Variants in RAPGEF2 observed in about 807,000 individuals in gnomAD.
The protein encoded by RAPGEF2 is PDZ domain containing guanine nucleotide exchange factor (GEF) 1.
In RAPGEF2, 54 loss-of-function variants were observed where a neutral mutation model predicts 186.7. The ratio of observed to expected loss-of-function variants is 0.29; its 90% CI spans 0.23 to 0.36. The LOEUF (loss-of-function observed/expected upper bound fraction) is 0.36. Ranked by LOEUF, RAPGEF2 falls within the 10% of genes least tolerant of loss-of-function variation. The pLI is 1.00. For missense variants in RAPGEF2, 1,532 were observed against 2,045.0 expected (o/e 0.75, Z 4.84); for synonymous variants, 712 against 705.9 (o/e 1.01, Z -0.14).
chr4:159,202,236 C>T (rs1749500885), intron 3 of RAPGEF2, among the ~76,000 whole-genome samples: 1 of 152,176 alleles, frequency 6.6e-6, no homozygotes, highest in South Asian at 2.1e-4. Flanking sequence ...TCCTCACTCC[C>T]CTGGGCCGCT....
chr4:159,231,003 G>T (rs928491538), intron 4 of RAPGEF2, among the ~76,000 whole-genome samples: 1 of 152,146 alleles, frequency 6.6e-6, no homozygotes, highest in Non-Finnish European at 1.5e-5. Flanking sequence ...ATAATATTAT[G>T]TAGTCATGCA....
chr4:159,343,390 C>G lies in RAPGEF2; in HGVS notation c.3240C>G (p.Leu1080=), dbSNP rs201940611. The change falls in exon 22 of 30, where the codon CTC becomes CTG. Residue 1080 remains leucine, a synonymous_variant. Coordinates refer to ENST00000691494, the MANE Select transcript of RAPGEF2 (RefSeq NM_001394067.2). ...RMASVNMDPA[L]MFRTRKKKWR... Reference sequence around the variant, plus strand: ...CTTCAGTGAACATGGACCCTGCCCTCATGTTCAGGACTCGGTGAGTATGTC... The same window carrying G: ...CTTCAGTGAACATGGACCCTGCCCTGATGTTCAGGACTCGGTGAGTATGTC... 7 of 1,614,002 alleles carry G rather than the reference C, an allele frequency of 4.3e-6. No individual in the cohort carries two copies. Among genetic ancestry groups the G allele is most frequent in the Non-Finnish European group, 5.9e-6 (7 of 1,179,916 alleles).
chr4:159,256,020 G>A (rs546340469), intron 7 of RAPGEF2, among the ~76,000 whole-genome samples: 17 of 152,232 alleles, frequency 1.1e-4, no homozygotes, highest in Admixed American at 4.6e-4. Context: ...CTAGCATGCT[G>A]TTGAACTGAC....
Position 159,278,121 on chromosome 4 carries a change from A to G in RAPGEF2, c.544-26221A>G, listed in dbSNP as rs866636170. Among the ~76,000 whole-genome samples the G allele has an allele frequency of 6.6e-5, 10 of 152,266 alleles. 1 individual carries two copies. Among genetic ancestry groups the G allele is most frequent in the Middle Eastern group, 3.4e-3 (1 of 294 alleles). On this transcript the variant is annotated intron_variant, in intron 7 of 29. Transcript: ENST00000691494. ...TAATCCATCTCCAATTAATTTTTGT[A>G]TAAGGTGTAAGGAAGGGATCCAGTT...
At chr4:159,292,766 T>C (rs1761406139) in intron 7 of RAPGEF2, among the ~76,000 whole-genome samples, 1 of 152,184 alleles carries the variant, frequency 6.6e-6, no homozygotes, top group African/African-American at 2.4e-5. Context: ...GAAGCAGCAC[T>C]TTTAAAAACA....
At chr4:159,326,151 G>A (rs1006766514) in intron 11 of RAPGEF2, among the ~76,000 whole-genome samples, 2 of 152,174 alleles carry the variant, frequency 1.3e-5, no homozygotes, top group African/African-American at 4.8e-5. Context: ...AAACAGGGAT[G>A]GAGAATGAAT....
intron 7 of RAPGEF2, among the ~76,000 whole-genome samples, chr4:159,254,946 T>C (rs1166142208): frequency 6.6e-6 from 1 of 152,230 alleles, no homozygotes; most frequent in African/African-American, 2.4e-5. Context: ...GACATTTTTG[T>C]CAGTGAACGA....
intron 10 of RAPGEF2, 56 bp from the exon 11 acceptor site, chr4:159,323,403 T>C (rs1469261616): frequency 1.1e-5 from 15 of 1,412,008 alleles, no homozygotes; most frequent in Non-Finnish European, 1.4e-5. Flanking sequence ...TACTGGCACT[T>C]ACAGCTGTAT....
chr4:159,304,074 A>ATACCCAAG (rs1762995436), intron 7 of RAPGEF2, among the ~76,000 whole-genome samples: 1 of 152,178 alleles, frequency 6.6e-6, no homozygotes, highest in African/African-American at 2.4e-5. Context: ...ACTAAATTAA[A>ATACCCAAG]TACCCAAGTT....
intron 2 of RAPGEF2, among the ~76,000 whole-genome samples, chr4:159,189,256 T>TG (rs956121839): frequency 5.1e-4 from 78 of 152,124 alleles, no homozygotes; most frequent in African/African-American, 1.8e-3. Flanking sequence ...TGTGGGGGAG[T>TG]GGAAGTGGCT....
At chr4:159,104,292 C>T (rs1273390562) in intron 1 of RAPGEF2, 61 bp downstream of exon 1, 1 of 883,000 alleles carries the variant, frequency 1.1e-6, no homozygotes, top group Non-Finnish European at 1.6e-6. Context: ...TGCGTCTTCC[C>T]CTGTCCCCCC....
intron 7 of RAPGEF2, among the ~76,000 whole-genome samples, chr4:159,251,946 T>C (rs934363532): frequency 2.0e-5 from 3 of 151,918 alleles, no homozygotes; most frequent in Admixed American, 2.0e-4. Context: ...GCGGTAACAC[T>C]CACCGCGGAG....
At chr4:159,248,196 T>C (rs1754881016) in intron 7 of RAPGEF2, among the ~76,000 whole-genome samples, 1 of 152,194 alleles carries the variant, frequency 6.6e-6, no homozygotes, top group Non-Finnish European at 1.5e-5. Context: ...AATACATGAC[T>C]GAGAGTTTGA....
intron 27 of RAPGEF2, 42 bp downstream of exon 27, chr4:159,352,952 A>G (rs1258374535): frequency 1.3e-6 from 2 of 1,492,938 alleles, no homozygotes; most frequent in African/African-American, 1.4e-5. Context: ...TTATCCTTCC[A>G]TCTCTGTTTT....
At chr4:159,145,548 A>G (rs1252295298) in intron 1 of RAPGEF2, among the ~76,000 whole-genome samples, 1 of 152,086 alleles carries the variant, frequency 6.6e-6, no homozygotes, top group Non-Finnish European at 1.5e-5. Context: ...TTGCCAAAAC[A>G]TGTGATCTAT....
At chr4:159,219,398 C>G (rs191253472) in intron 4 of RAPGEF2, among the ~76,000 whole-genome samples, 2,879 of 120,454 alleles carry the variant, frequency 0.024, 44 homozygotes, top group Middle Eastern at 0.04. Context: ...CTCTGTTGCT[C>G]AGGCTGGAGT....
chr4:159,339,043 T>G lies in RAPGEF2; in HGVS notation c.2294-71T>G, dbSNP rs2111248644. 2.0e-6 allele frequency: 3 copies of G among 1,525,534 alleles called. No homozygotes were observed. In the East Asian group the frequency reaches 6.8e-5, roughly 35 times the overall value. 94.5% of individuals were successfully genotyped at this position (1,525,534 alleles called of 1,614,324 possible). A position where few individuals can be genotyped will look rare whatever the true frequency, so the allele number is the denominator to read the frequency against. On this transcript the variant is annotated intron_variant, in intron 18 of 29. Coordinates refer to ENST00000691494, the MANE Select transcript of RAPGEF2 (RefSeq NM_001394067.2). ...TTTTCTTAAGGAGCTTTTTTCTGAT[T>G]ACTTTGCTTAATTGCATTGCCATAT...
intron 20 of RAPGEF2, 152 bp from the exon 21 acceptor site, chr4:159,342,827 A>C: frequency 2.6e-6 from 2 of 767,298 alleles, no homozygotes; most frequent in Non-Finnish European, 4.1e-6. Flanking sequence ...GTGCCATCTC[A>C]TTCCCCAGAA....
At chr4:159,260,886 T>C (rs1277468842) in intron 7 of RAPGEF2, among the ~76,000 whole-genome samples, 2 of 152,022 alleles carry the variant, frequency 1.3e-5, no homozygotes, top group African/African-American at 4.8e-5. Context: ...GTAGCCGGGA[T>C]TACAGGCATG....
Sources: gnomAD v4.1 joint callset for allele counts (sites outside exome capture counted in the v4.1 genomes callset) on GRCh38, gnomAD v4.1.1 for gene constraint, MANE v1.5 for transcripts, NCBI Gene and HGNC (gene_info 2026-07-23, HGNC 2026-07-21) for gene names.